ANKLE2: variants seen among roughly 807,000 people sequenced by gnomAD.
The protein encoded by ANKLE2 is ankyrin repeat and LEM domain-containing protein 2.
ANKLE2 carries 55 observed loss-of-function variants against 84.2 expected under a neutral mutation model. The ratio of observed to expected loss-of-function variants is 0.65; its 90% confidence interval spans 0.53 to 0.82. The LOEUF (loss-of-function observed/expected upper bound fraction) is 0.82, where lower values mean the gene tolerates loss of function less well. Among genes scored for constraint, ANKLE2 ranks in the 40% least tolerant of loss-of-function variants. The pLI is 0.00. For missense variants in ANKLE2, 1,238 were observed against 1,201.9 expected (o/e 1.03, Z -0.44); for synonymous variants, 551 against 486.1 (o/e 1.13, Z -1.76).
Position 132,725,809 on chromosome 12 carries a change from G to T in ANKLE2, c.*1433C>A, listed in dbSNP as rs986560952. 12 of 152,320 alleles carry T rather than the reference G, an allele frequency of 7.9e-5. No homozygotes were observed. Among genetic ancestry groups the T allele is most frequent in the African/African-American group, 2.9e-4 (12 of 41,572 alleles). The allele number at this position is 152,320 out of a possible 1,614,324, so 9.4% of individuals were successfully genotyped here. A position where few individuals can be genotyped will look rare whatever the true frequency, so the allele number is the denominator to read the frequency against. On this transcript the variant is annotated 3_prime_UTR_variant, in exon 13 of 13. Coordinates refer to ENST00000357997, the MANE Select transcript of ANKLE2 (RefSeq NM_015114.3). Reference sequence around the variant, plus strand: ...GAACCAAGGTGCCTTTTAAAATGCGGCTTTTTAGAATAGCATGTGTTGTTT... The same window carrying T: ...GAACCAAGGTGCCTTTTAAAATGCGTCTTTTTAGAATAGCATGTGTTGTTT...
intron 7 of ANKLE2, among the ~76,000 whole-genome samples, chr12:132,741,090 G>C (rs541578711): frequency 6.6e-6 from 1 of 152,296 alleles, no homozygotes; most frequent in South Asian, 2.1e-4. Flanking sequence ...CTGAAGAGAA[G>C]CCATCACAAT....
chr12:132,734,314 T>A, intron 10 of ANKLE2, 71 bp downstream of exon 10: 1 of 1,486,156 alleles, frequency 6.7e-7, no homozygotes, highest in Non-Finnish European at 9.2e-7. Context: ...GAAACAGATG[T>A]GCGCATCCCG....
chr12:132,743,455 T>G lies in ANKLE2; in HGVS notation c.1231-179A>C, dbSNP rs144909126. 0.034 allele frequency among the ~76,000 whole-genome samples: 5,175 copies of G among 151,882 alleles called. 130 individuals are homozygous for G. The highest frequency in any genetic ancestry group is 0.083 in the East Asian group (431 of 5,184). On this transcript the variant is annotated intron_variant, in intron 5 of 12. Transcript: ENST00000357997. This position sits in a 1 kb window ranked among gnomAD's most constrained non-coding sequence, Gnocchi z 4.1. ...CCCGGGTTTAACCGATTCTCCTGCC[T>G]CAGGCTCCCCAGTACCTGGGACTAC...
rs78663714 is a variant in ANKLE2, at chr12:132,748,003, G to A, written c.1059C>T (p.Asn353=). Residue 353 remains asparagine, a synonymous_variant, in exon 5 of 13, where the codon AAC becomes AAT. Transcript: ENST00000357997. ...TCTCTTTGGCAGCAACATGCATCAC[G>A]TTGTACCTGCACCCTTCCTGAAAGA... is the stretch of plus-strand genomic sequence containing the variant. The part of the protein sequence containing the change: ...PTIVQEGCRY[N]VMHVAAKENQ... 35,924 of 1,601,846 alleles carry A rather than the reference G, an allele frequency of 0.022. 507 individuals carry two copies. Among genetic ancestry groups the A allele is most frequent in the Non-Finnish European group, 0.027 (31,197 of 1,176,230 alleles).
At chr12:132,739,754 C>T (rs1223104203) in intron 7 of ANKLE2, among the ~76,000 whole-genome samples, 5 of 152,192 alleles carry the variant, frequency 3.3e-5, no homozygotes, top group African/African-American at 1.2e-4. Flanking sequence ...TGCAGCCAGC[C>T]CTGTAGCAGG....
intron 10 of ANKLE2, among the ~76,000 whole-genome samples, chr12:132,733,121 G>A (rs1309986500): frequency 4.4e-5 from 6 of 136,124 alleles, no homozygotes; most frequent in South Asian, 2.5e-4. Flanking sequence ...TGTCTGATAT[G>A]CACCGTGTGA....
intron 10 of ANKLE2, 170 bp from the exon 11 acceptor site, chr12:132,730,440 T>C (rs1566011602): frequency 9.2e-6 from 5 of 544,354 alleles, no homozygotes; most frequent in African/African-American, 5.0e-5. Flanking sequence ...CAGCAACTCT[T>C]GCATCCAAAA....
At chr12:132,736,483 G>A (rs562639638) in intron 8 of ANKLE2, among the ~76,000 whole-genome samples, 3 of 152,252 alleles carry the variant, frequency 2.0e-5, no homozygotes, top group Admixed American at 6.5e-5. Flanking sequence ...GCCAGCGGGG[G>A]CTGCAGCCAC....
chr12:132,749,508 G>A (rs1201801174), intron 3 of ANKLE2, among the ~76,000 whole-genome samples: 2 of 152,190 alleles, frequency 1.3e-5, no homozygotes, highest in Non-Finnish European at 2.9e-5. Context: ...AAATTGCAAA[G>A]AAGGAAATCC....
rs776581616 is a variant in ANKLE2 at position 132,743,217 on chromosome 12, C to A, written c.1290G>T (p.Val430=). The part of the protein sequence containing the change: ...CKFGNADVVN[V]LSSHHLIVKN... ...TTACAATCAAATGGTGTGACGAAAG[C>A]ACGTTGACTACATCTGCATTTCCAA... is the stretch of plus-strand genomic sequence containing the variant. The change falls in exon 6 of 13, where the codon GTG becomes GTT. Residue 430 remains valine (V), a synonymous_variant. Transcript: ENST00000357997. This position sits in a 1 kb window ranked among gnomAD's most constrained non-coding sequence, Gnocchi z 4.1. The A allele has an allele frequency of 6.2e-7, 1 of 1,612,084 alleles. No individual in the cohort carries two copies. The highest frequency in any genetic ancestry group is 8.5e-7 in the Non-Finnish European group (1 of 1,179,146).
In ANKLE2 at chr12:132,730,071, G is replaced by C; in HGVS notation, c.2091C>G (p.Ser697Arg). The change falls in exon 11 of 13, where the codon AGC (serine) becomes AGG (arginine). Residue 697 changes from serine (S) to arginine (R), a missense_variant. This residue lies in a region of ANKLE2 where 802 missense variants were observed against 774.5 expected (regional missense o/e 1.04). Transcript: ENST00000357997. ...TCAGAGGATGGCAGAGCCCATTTCTGCTGCTGTGTGGACCTCCCGGCTCGG... is the reference window on the plus strand; with the variant it reads ...TCAGAGGATGGCAGAGCCCATTTCTCCTGCTGTGTGGACCTCCCGGCTCGG... ...EAAEPGGPHS[S>R]RNGLCHPLNH... 6.2e-7 allele frequency: 1 copy of C among 1,612,742 alleles called. No individual in the cohort carries two copies. Among genetic ancestry groups the C allele is most frequent in the African/African-American group, 1.3e-5 (1 of 75,040 alleles).
intron 5 of ANKLE2, among the ~76,000 whole-genome samples, chr12:132,746,147 G>A (rs1351048380): frequency 2.0e-5 from 3 of 152,166 alleles, no homozygotes; most frequent in Non-Finnish European, 2.9e-5. Context: ...AGGAGATGGA[G>A]ACCATCCTGG....
chr12:132,742,220 C>CACAA (rs3222911), intron 6 of ANKLE2: 5 of 130,910 alleles, frequency 3.8e-5, no homozygotes, highest in African/African-American at 1.4e-4. Context: ...CACACACACA[C>CACAA]AAAAAGAATC....
Position 132,730,008 on chromosome 12 carries a change from G to T in ANKLE2, c.2154C>A (p.Ala718=). 1.2e-6 allele frequency: 2 copies of T among 1,613,268 alleles called. No individual in the cohort carries two copies. Among genetic ancestry groups the T allele is most frequent in the Non-Finnish European group, 1.7e-6 (2 of 1,179,912 alleles). The change falls in exon 11 of 13, where the codon GCC becomes GCA. Residue 718 remains alanine (A), a synonymous_variant. Transcript: ENST00000357997. ...SRTLAGKRPK[A]PRGEEAHLPP... The stretch of plus-strand genomic sequence containing the variant: ...GCAGATGGGCTTCCTCCCCACGGGG[G>T]GCCTTTGGTCTCTTGCCCGCCAGGG...
In ANKLE2 at chr12:132,754,895, T is replaced by G; in HGVS notation, c.420A>C (p.Pro140=). 6.2e-7 allele frequency: 1 copy of G among 1,614,246 alleles called. No homozygotes were observed. The highest frequency in any genetic ancestry group is 8.5e-7 in the Non-Finnish European group (1 of 1,180,040). ...CCTGATCAGTTGGGTTCCCTTCAGC[T>G]GGCTTCAAAATCCTTTGTGGGTCCT... ...LSQDPQRILK[P]AEGNPTDQAG... The change falls in exon 2 of 13, where the codon CCA becomes CCC. Residue 140 remains proline (P), a synonymous_variant. Coordinates refer to ENST00000357997, the MANE Select transcript of ANKLE2 (RefSeq NM_015114.3).
chr12:132,760,056 C>G (rs1593190600), intron 1 of ANKLE2: 1 of 151,340 alleles, frequency 6.6e-6, no homozygotes, highest in East Asian at 1.9e-4. Context: ...ATCGCTTGAA[C>G]CCGGGAGGCG....
At chr12:132,735,257 C>T in intron 9 of ANKLE2, 149 bp downstream of exon 9, 1 of 723,664 alleles carries the variant, frequency 1.4e-6, no homozygotes, top group Non-Finnish European at 2.4e-6. Flanking sequence ...ACAACATCCA[C>T]AAGGAATTAG....
In ANKLE2 at chr12:132,750,680, C is replaced by A; in HGVS notation, c.810G>T (p.Val270=). Residue 270 remains valine, a synonymous_variant, in exon 3 of 13, where the codon GTG becomes GTT. Transcript: ENST00000357997. ...PSKTSLPLSP[V]KTAPLFSNDR... The stretch of plus-strand genomic sequence containing the variant: ...CATTGCTAAAGAGTGGAGCTGTTTT[C>A]ACAGGAGACAGTGGTAAGGACGTTT... 6.2e-7 allele frequency: 1 copy of A among 1,614,204 alleles called. No homozygotes were observed. Among genetic ancestry groups the A allele is most frequent in the Non-Finnish European group, 8.5e-7 (1 of 1,180,034 alleles).
intron 3 of ANKLE2, among the ~76,000 whole-genome samples, chr12:132,750,110 C>T (rs1035297832): frequency 2.1e-5 from 3 of 145,858 alleles, no homozygotes; most frequent in Middle Eastern, 3.5e-3. Context: ...GAGGCTGAGG[C>T]AGGAGAATCG....
Sources: allele counts gnomAD v4.1 joint callset (sites outside exome capture counted in the v4.1 genomes callset), GRCh38; gene constraint gnomAD v4.1.1; regional missense constraint gnomAD v4.1.1; non-coding constraint Gnocchi (gnomAD v3.1); transcripts MANE v1.5; gene names NCBI Gene and HGNC (gene_info 2026-07-23, HGNC 2026-07-21).